The following NRG1 variants were observed in gnomAD, a reference collection of about 807,000 sequenced individuals.
The protein encoded by NRG1 is pro-neuregulin-1, membrane-bound isoform.
Under a neutral mutation model 63.8 loss-of-function variants are expected in NRG1, and 18 were observed. The ratio of observed to expected loss-of-function variants is 0.28; its 90% CI spans 0.19 to 0.42. The LOEUF is 0.42. NRG1 is among the 10% of genes least tolerant of loss of function. The probability of loss-of-function intolerance (pLI) is 1.00; values close to 1 mark genes in which losing one functional copy is unlikely to be tolerated. For synonymous variants in NRG1, 302 were observed against 301.3 expected, an observed-to-expected ratio of 1.00 and a Z score of -0.02; for missense variants, 762 against 814.7, an observed-to-expected ratio of 0.94 and a Z score of 0.79.
rs1010361038 is a variant in NRG1, at chr8:32,664,469, G to A, written c.502+47584G>A. ...AGGGAAACAGACATGTTAAGTGCAT[G>A]GTGAGTCGGCCAGTTGAGTCAGTAT... On this transcript the variant is annotated intron_variant, in intron 5 of 11. Coordinates refer to ENST00000356819, the Ensembl canonical transcript of NRG1. Among the ~76,000 whole-genome samples, 5 of 152,050 alleles carry A rather than the reference G, an allele frequency of 3.3e-5. No individual in the cohort carries two copies. The East Asian group carries it at 9.6e-4, about 29-fold the overall frequency.
chr8:32,031,410 T>C (rs1282833784), intron 1 of NRG1, among the ~76,000 whole-genome samples: 1 of 152,224 alleles, frequency 6.6e-6, no homozygotes, highest in African/African-American at 2.4e-5. Context: ...GTTAGGCCCC[T>C]GCAGCTCGCT....
chr8:31,963,381 G>A (rs1005998242), intron 1 of NRG1, among the ~76,000 whole-genome samples: 1 of 151,848 alleles, frequency 6.6e-6, no homozygotes, highest in Admixed American at 6.6e-5. Flanking sequence ...TTTGATTTTT[G>A]GATACATCAG....
At chr8:31,658,646 A>G (rs1452585910) in intron 1 of NRG1, among the ~76,000 whole-genome samples, 1 of 152,132 alleles carries the variant, frequency 6.6e-6, no homozygotes. Flanking sequence ...TATTTTTTGT[A>G]GAGACAGGGT....
chr8:32,231,478 A>G (rs1563932088), intron 1 of NRG1, among the ~76,000 whole-genome samples: 2 of 152,190 alleles, frequency 1.3e-5, no homozygotes, highest in Non-Finnish European at 2.9e-5. Flanking sequence ...ATTGAATGTG[A>G]TATACTCTGG....
In NRG1 at chr8:31,834,307, GCACACA is replaced by G. The variant is rs1554547024; in HGVS notation, c.37+194894_37+194899del. 1.0e-3 allele frequency among the ~76,000 whole-genome samples: 125 copies of G among 119,516 alleles called. 2 individuals are homozygous for G. In the South Asian group the frequency reaches 0.029, roughly 27 times the overall value. The allele number at this position is 119,516 out of a possible 152,430, so 78.4% of individuals were successfully genotyped here. A position where few individuals can be genotyped will look rare whatever the true frequency, so the allele number is the denominator to read the frequency against. On this transcript the variant is annotated intron_variant, in intron 1 of 10. Transcript: ENST00000519301. ...CCTTCATGCGTGTGCGCGCACGCGC[GCACACA>G]CACACACACACACACACGCACACCA...
At chr8:32,007,095 C>G (rs1207508469) in intron 1 of NRG1, among the ~76,000 whole-genome samples, 1 of 152,012 alleles carries the variant, frequency 6.6e-6, no homozygotes, top group Non-Finnish European at 1.5e-5. Context: ...TGAATAGTCT[C>G]CCTTAGATGT....
intron 1 of NRG1, among the ~76,000 whole-genome samples, chr8:32,092,198 G>C (rs971838485): frequency 1.3e-5 from 2 of 152,006 alleles, no homozygotes; most frequent in Admixed American, 1.3e-4. Context: ...GTGGCTCGTG[G>C]CTGTAATCCC....
chr8:32,722,160 AG>A (rs2129004165), intron 5 of NRG1: 1 of 838,518 alleles, frequency 1.2e-6, no homozygotes, highest in African/African-American at 1.7e-5. Context: ...ATTTTCTGTA[AG>A]TAACTCGTAA....
intron 1 of NRG1, among the ~76,000 whole-genome samples, chr8:32,502,909 T>G (rs1281915323): frequency 6.6e-6 from 1 of 152,154 alleles, no homozygotes; most frequent in Non-Finnish European, 1.5e-5. Context: ...TAGAGGCATG[T>G]TTCCTAACAG....
chr8:32,371,919 C>T (rs1327382553), intron 1 of NRG1, among the ~76,000 whole-genome samples: 1 of 151,870 alleles, frequency 6.6e-6, no homozygotes, highest in Non-Finnish European at 1.5e-5. Context: ...TTACTTGTAG[C>T]TGAACGCAAT....
intron 5 of NRG1, among the ~76,000 whole-genome samples, chr8:32,712,132 C>G (rs1300666087): frequency 6.6e-6 from 1 of 152,092 alleles, no homozygotes; most frequent in Non-Finnish European, 1.5e-5. Flanking sequence ...ATATCCCAAA[C>G]AGTATTTTCT....
chr8:32,262,703 G>T (rs1471901018), intron 1 of NRG1, among the ~76,000 whole-genome samples: 1 of 152,162 alleles, frequency 6.6e-6, no homozygotes, highest in Non-Finnish European at 1.5e-5. Context: ...CTGTCACAGG[G>T]AAGTGGTTAG....
In NRG1 at chr8:32,217,213, C is replaced by CAAAAA. The variant is rs538507645; in HGVS notation, c.38-378588_38-378584dup. ...TGGGTAAGAGAGTGAGACCCTGTCT[C>CAAAAA]AAAAAAAAAAAAAAAAAAAAAAAAA... On this transcript the variant is annotated intron_variant, in intron 1 of 10. Coordinates refer to the NRG1 transcript ENST00000519301. 4.0e-4 allele frequency among the ~76,000 whole-genome samples: 40 copies of CAAAAA among 101,170 alleles called. 2 individuals carry two copies. The highest frequency in any genetic ancestry group is 7.7e-4 in the East Asian group (2 of 2,606). The allele number at this position is 101,170 out of a possible 152,430, so 66.4% of individuals were successfully genotyped here.
At chr8:32,194,814 T>C (rs186011321) in intron 1 of NRG1, among the ~76,000 whole-genome samples, 1 of 152,276 alleles carries the variant, frequency 6.6e-6, no homozygotes, top group East Asian at 1.9e-4. Flanking sequence ...CTCTACTTTT[T>C]TGAATAAAGA....
intron 1 of NRG1, among the ~76,000 whole-genome samples, chr8:32,309,189 G>T (rs1380482252): frequency 6.6e-6 from 1 of 152,134 alleles, no homozygotes; most frequent in Admixed American, 6.5e-5. Flanking sequence ...TCCTCTGGGA[G>T]GGGTACCCTT....
chr8:31,849,124 T>C (rs1563478390), intron 1 of NRG1, among the ~76,000 whole-genome samples: 1 of 152,198 alleles, frequency 6.6e-6, no homozygotes, highest in Non-Finnish European at 1.5e-5. Flanking sequence ...ATAATCTATA[T>C]GCCCATTTCA....
chr8:32,597,077 AGAGAT>A (rs1260884825), intron 2 of NRG1, among the ~76,000 whole-genome samples: 1 of 152,186 alleles, frequency 6.6e-6, no homozygotes, highest in Non-Finnish European at 1.5e-5. Context: ...AAATCAGAGA[AGAGAT>A]AAGTGGATTA....
At chr8:32,499,192 T>C (rs1240011246) in intron 1 of NRG1, among the ~76,000 whole-genome samples, 1 of 152,196 alleles carries the variant, frequency 6.6e-6, no homozygotes, top group African/African-American at 2.4e-5. Context: ...TCAACAATTG[T>C]ATCTCATTTC....
intron 1 of NRG1, among the ~76,000 whole-genome samples, chr8:32,509,077 A>G (rs1488724480): frequency 3.6e-5 from 1 of 28,150 alleles, no homozygotes; most frequent in African/African-American, 1.7e-4. Flanking sequence ...TTCTTTTCCT[A>G]TTTTATTTTA....
Sources: gnomAD v4.1 joint callset for allele counts (sites outside exome capture counted in the v4.1 genomes callset) on GRCh38, gnomAD v4.1.1 for gene constraint, MANE v1.5 for transcripts, NCBI Gene and HGNC (gene_info 2026-07-23, HGNC 2026-07-21) for gene names.